Variants in ZNF385D observed in about 807,000 individuals in gnomAD.
The protein encoded by ZNF385D is zinc finger protein 659.
Under a neutral mutation model 35.8 loss-of-function variants are expected in ZNF385D, and 15 were observed. The ratio of observed to expected loss-of-function variants is 0.42; its 90% CI spans 0.28 to 0.64. The LOEUF is 0.64. Among genes scored for constraint, ZNF385D ranks in the 30% least tolerant of loss-of-function variants. The pLI, the probability that ZNF385D is intolerant of heterozygous loss-of-function variation, is 0.23. For missense variants in ZNF385D, 474 were observed against 494.6 expected (o/e 0.96, Z 0.39); for synonymous variants, 212 against 186.8 (o/e 1.13, Z -1.10).
intron 2 of ZNF385D, among the ~76,000 whole-genome samples, chr3:22,308,519 T>A (rs993498349): frequency 1.3e-5 from 2 of 151,836 alleles, no homozygotes; most frequent in Non-Finnish European, 2.9e-5. Flanking sequence ...TCCCAGGGAA[T>A]GAAAAAGAAA....
intron 3 of ZNF385D, among the ~76,000 whole-genome samples, chr3:22,107,726 G>A (rs565485276): frequency 3.6e-4 from 54 of 151,888 alleles, no homozygotes; most frequent in Middle Eastern, 6.8e-3. Context: ...CTGTGCATGC[G>A]CTGTATGATG....
At chr3:21,965,105 A>G (rs1294459951) in intron 3 of ZNF385D, among the ~76,000 whole-genome samples, 2 of 152,200 alleles carry the variant, frequency 1.3e-5, no homozygotes, top group Non-Finnish European at 2.9e-5. Context: ...TGAACACAGT[A>G]TGAAGAGAAG....
intron 2 of ZNF385D, among the ~76,000 whole-genome samples, chr3:22,170,397 A>C (rs1694329814): frequency 6.6e-6 from 1 of 152,226 alleles, no homozygotes. Context: ...TAAAATTTTA[A>C]AGAAAATCAA....
intron 2 of ZNF385D, among the ~76,000 whole-genome samples, chr3:21,629,466 G>C (rs1040699546): frequency 2.0e-5 from 3 of 152,120 alleles, no homozygotes; most frequent in Non-Finnish European, 2.9e-5. Flanking sequence ...ATGTTTCCTT[G>C]TTCACTTTGA....
chr3:21,994,721 T>C (rs1015404303), intron 3 of ZNF385D, among the ~76,000 whole-genome samples: 8 of 152,364 alleles, frequency 5.3e-5, no homozygotes, highest in Non-Finnish European at 1.2e-4. Flanking sequence ...GATGTATCAA[T>C]AGTGCTGATT....
chr3:22,290,664 T>C (rs1250636640), intron 2 of ZNF385D, among the ~76,000 whole-genome samples: 1 of 152,168 alleles, frequency 6.6e-6, no homozygotes, highest in African/African-American at 2.4e-5. Flanking sequence ...TCTGGCTCAA[T>C]GTCTTCAACA....
At chr3:21,825,161 C>A (rs769854834) in intron 3 of ZNF385D, among the ~76,000 whole-genome samples, 3 of 152,112 alleles carry the variant, frequency 2.0e-5, no homozygotes, top group Non-Finnish European at 4.4e-5. Flanking sequence ...AATGCACATA[C>A]AAACGCAAAC....
intron 3 of ZNF385D, among the ~76,000 whole-genome samples, chr3:21,948,635 A>T (rs974804305): frequency 5.3e-5 from 8 of 152,002 alleles, no homozygotes; most frequent in Admixed American, 2.0e-4. Context: ...TATCAGTTTT[A>T]TTTTTTCTAA....
intron 3 of ZNF385D, among the ~76,000 whole-genome samples, chr3:21,785,195 C>T (rs1189369186): frequency 6.6e-6 from 1 of 152,034 alleles, no homozygotes; most frequent in African/African-American, 2.4e-5. Flanking sequence ...GAATGGAAAC[C>T]CTGGTCGGTG....
At chr3:22,149,233 GTCTA>G in intron 3 of ZNF385D, among the ~76,000 whole-genome samples, 1 of 152,202 alleles carries the variant, frequency 6.6e-6, no homozygotes, top group East Asian at 1.9e-4. Flanking sequence ...TTTCCTAAAA[GTCTA>G]TATTTATATA....
intron 3 of ZNF385D, among the ~76,000 whole-genome samples, chr3:21,806,524 T>A (rs1344431851): frequency 6.6e-6 from 1 of 152,080 alleles, no homozygotes; most frequent in Admixed American, 6.6e-5. Context: ...CGTTTTATAG[T>A]TAATTGGGGT....
At chr3:21,691,845 C>T (rs987038126) in intron 1 of ZNF385D, among the ~76,000 whole-genome samples, 1 of 152,178 alleles carries the variant, frequency 6.6e-6, no homozygotes, top group African/African-American at 2.4e-5. Flanking sequence ...TTTTCATCAT[C>T]CGAAAGTGAA....
chr3:21,485,014 C>T (rs184949757), intron 4 of ZNF385D, among the ~76,000 whole-genome samples: 7 of 152,276 alleles, frequency 4.6e-5, no homozygotes, highest in Non-Finnish European at 8.8e-5. Flanking sequence ...ACCTCTCTCC[C>T]TACTTCTCTT....
At chr3:21,993,986 C>T (rs1423025146) in intron 3 of ZNF385D, among the ~76,000 whole-genome samples, 5 of 152,168 alleles carry the variant, frequency 3.3e-5, no homozygotes, top group Non-Finnish European at 5.9e-5. Flanking sequence ...CTCTGCCTCA[C>T]CAGTACCTAA....
intron 1 of ZNF385D, among the ~76,000 whole-genome samples, chr3:21,711,464 C>T (rs2068105888): frequency 6.6e-6 from 1 of 152,072 alleles, no homozygotes; most frequent in Non-Finnish European, 1.5e-5. Context: ...AGAAATGATT[C>T]ACCTCACTCG....
At chr3:21,903,239 A>G (rs1236222797) in intron 3 of ZNF385D, among the ~76,000 whole-genome samples, 2 of 152,206 alleles carry the variant, frequency 1.3e-5, no homozygotes, top group Admixed American at 1.3e-4. Context: ...GAAACCGATC[A>G]TGAAAAGAAT....
intron 2 of ZNF385D, among the ~76,000 whole-genome samples, chr3:22,336,931 AAAAAAAC>A: frequency 6.9e-6 from 1 of 144,632 alleles, no homozygotes; most frequent in South Asian, 2.2e-4. Flanking sequence ...AAAAAAAAAA[AAAAAAAC>A]CCTTACTGTT....
At chr3:21,964,494 T>A (rs1351374794) in intron 3 of ZNF385D, among the ~76,000 whole-genome samples, 15 of 116,706 alleles carry the variant, frequency 1.3e-4, no homozygotes, top group African/African-American at 6.0e-4. Flanking sequence ...TTTTTTTTTT[T>A]TTTTTTTTTT....
At chr3:22,050,226 G>A (rs577063352) in intron 3 of ZNF385D, among the ~76,000 whole-genome samples, 4 of 152,018 alleles carry the variant, frequency 2.6e-5, no homozygotes, top group Non-Finnish European at 5.9e-5. Flanking sequence ...GCTCTCTGTG[G>A]TGGTACACGC....
Sources: allele counts gnomAD v4.1 joint callset (sites outside exome capture counted in the v4.1 genomes callset), GRCh38; gene constraint gnomAD v4.1.1; transcripts MANE v1.5; gene names NCBI Gene and HGNC (gene_info 2026-07-23, HGNC 2026-07-21).